MCM9: variants seen among roughly 807,000 people sequenced by gnomAD.
The protein encoded by MCM9 is DNA helicase MCM9.
Under a neutral mutation model 72.8 loss-of-function variants are expected in MCM9, and 55 were observed. That is an observed-to-expected ratio of 0.76 (90% CI 0.61 to 0.95). The LOEUF (loss-of-function observed/expected upper bound fraction) is 0.95, where lower values mean the gene tolerates loss of function less well. Among genes scored for constraint, MCM9 ranks in the 40% least tolerant of loss-of-function variants. The pLI is 0.00. For synonymous variants in MCM9, 480 were observed against 503.4 expected (o/e 0.95, Z 0.62); for missense variants, 1,279 against 1,377.0 (o/e 0.93, Z 1.13).
chr6:118,865,140 G>T (rs1777139204), intron 8 of MCM9, among the ~76,000 whole-genome samples: 1 of 152,074 alleles, frequency 6.6e-6, no homozygotes, highest in Admixed American at 6.6e-5. Context: ...CCCACTCAAC[G>T]GACTGTGTCC....
intron 8 of MCM9, among the ~76,000 whole-genome samples, chr6:118,909,606 T>C (rs908506528): frequency 2.0e-5 from 3 of 152,224 alleles, no homozygotes; most frequent in East Asian, 3.8e-4. Flanking sequence ...CAATGACTTA[T>C]GCCACTAAGA....
chr6:118,814,891 G>C lies in MCM9; in HGVS notation c.3365C>G (p.Thr1122Ser), dbSNP rs766531860. Reference protein sequence around the residue: ...KLIVSKESLFTLPELGDEAFD... With the variant: ...KLIVSKESLFSLPELGDEAFD... ...TGCTTCATCACCTAGTTCTGGTAAAGTGAAGAGGGATTCTTTGGAAACAAT... is the reference window on the plus strand; with the variant it reads ...TGCTTCATCACCTAGTTCTGGTAAACTGAAGAGGGATTCTTTGGAAACAAT... The change falls in exon 14 of 14, where the codon ACT (threonine) becomes AGT (serine). Residue 1122 changes from threonine to serine, a missense_variant. Coordinates refer to ENST00000619706, the MANE Select transcript of MCM9 (RefSeq NM_017696.3). The C allele has an allele frequency of 6.6e-5, 102 of 1,547,812 alleles. 3 individuals are homozygous for C. Among genetic ancestry groups the C allele is most frequent in the Non-Finnish European group, 7.1e-5 (81 of 1,145,870 alleles).
intron 13 of MCM9, among the ~76,000 whole-genome samples, chr6:118,820,140 T>C (rs2114510030): frequency 6.6e-6 from 1 of 152,284 alleles, no homozygotes; most frequent in Non-Finnish European, 1.5e-5. Flanking sequence ...GCTCTGATCT[T>C]AGTTATTTCT....
chr6:118,837,643 T>C (rs182693490), intron 9 of MCM9, among the ~76,000 whole-genome samples: 1 of 152,164 alleles, frequency 6.6e-6, no homozygotes, highest in Admixed American at 6.6e-5. Context: ...TGCCTTTTTT[T>C]ATCTTAGTTG....
intron 13 of MCM9, among the ~76,000 whole-genome samples, 175 bp downstream of exon 13, chr6:118,825,972 A>G (rs1774142257): frequency 6.6e-6 from 1 of 152,188 alleles, no homozygotes; most frequent in African/African-American, 2.4e-5. Context: ...GCAGTTGATT[A>G]TACAGCAGTA....
intron 6 of MCM9, among the ~76,000 whole-genome samples, chr6:118,916,432 C>CATTATTATTATTATT (rs60745084): frequency 7.0e-6 from 1 of 142,394 alleles, no homozygotes; most frequent in South Asian, 2.3e-4. Flanking sequence ...GAAATGGAAG[C>CATTATTATTATTATT]ATTATTATTA....
rs565243377 is a variant in MCM9 at position 118,851,128 on chromosome 6, T to C, written c.1325+5243A>G. Among the ~76,000 whole-genome samples, 23 of 151,960 alleles carry C rather than the reference T, an allele frequency of 1.5e-4. 3 individuals are homozygous for C. Among genetic ancestry groups the C allele is most frequent in the African/African-American group, 5.3e-4 (22 of 41,250 alleles). Reference sequence around the variant, plus strand: ...GAGCCACTGTACCCAGCCTAAATTATTGAACCATGTGAGAAATGTGAAGTC... The same window carrying C: ...GAGCCACTGTACCCAGCCTAAATTACTGAACCATGTGAGAAATGTGAAGTC... On this transcript the variant is annotated intron_variant, in intron 9 of 13. Coordinates refer to ENST00000619706, the MANE Select transcript of MCM9 (RefSeq NM_017696.3).
At chr6:118,821,218 TCAACGGTCTTTA>T (rs1773786168) in intron 13 of MCM9, among the ~76,000 whole-genome samples, 1 of 152,234 alleles carries the variant, frequency 6.6e-6, no homozygotes, top group Admixed American at 6.5e-5. Flanking sequence ...CTTCATAGCA[TCAACGGTCTTTA>T]CAATTTGGTA....
chr6:118,843,655 T>TATATATACACGTATATATATATATACAC (rs1491542240), intron 9 of MCM9, among the ~76,000 whole-genome samples: 1 of 38,616 alleles, frequency 2.6e-5, no homozygotes, highest in Non-Finnish European at 4.8e-5. Context: ...TATATATATA[T>TATATATACACGTATATATATATATACAC]GTGTATATAT....
At chr6:118,861,438 T>C (rs1776898570) in intron 8 of MCM9, among the ~76,000 whole-genome samples, 1 of 152,194 alleles carries the variant, frequency 6.6e-6, no homozygotes, top group Non-Finnish European at 1.5e-5. Flanking sequence ...AGTCCCATCA[T>C]TCAACAGGTC....
At chr6:118,879,249 A>G (rs1469003877) in intron 8 of MCM9, among the ~76,000 whole-genome samples, 5 of 5,548 alleles carry the variant, frequency 9.0e-4, no homozygotes, top group South Asian at 0.02. Flanking sequence ...ATGGAGGGGG[A>G]AAAAAAAAAA....
chr6:118,857,626 CAAAAAAAAAAAAA>C (rs1203197065), intron 8 of MCM9, among the ~76,000 whole-genome samples: 6 of 70,968 alleles, frequency 8.5e-5, no homozygotes, highest in African/African-American at 2.2e-4. Context: ...CCAGACTGAC[CAAAAAAAAAAAAA>C]AAAAAAAAAA....
At chr6:118,894,218 G>A (rs534746521) in intron 8 of MCM9, 1 of 1,412,190 alleles carries the variant, frequency 7.1e-7, no homozygotes, top group East Asian at 2.6e-5. Flanking sequence ...CTGTAGTTTA[G>A]TGAAATAGGA....
chr6:118,880,934 C>T (rs1234485882), intron 8 of MCM9, among the ~76,000 whole-genome samples: 3 of 152,070 alleles, frequency 2.0e-5, no homozygotes, highest in African/African-American at 7.2e-5. Context: ...AGTACTGAAC[C>T]CTATACACAC....
rs985196175 is a variant in MCM9 at position 118,883,549 on chromosome 6, C to T, written c.1151-27004G>A. ...ACACCCATAAATCATAGCAGAAATG[C>T]TGAAAACTGAAGATAAAGAGAAAAT... On this transcript the variant is annotated intron_variant, in intron 8 of 13. Transcript: ENST00000619706. 7.2e-5 allele frequency among the ~76,000 whole-genome samples: 11 copies of T among 152,066 alleles called. No homozygotes were observed. The East Asian group carries it at 1.9e-3, about 27-fold the overall frequency.
chr6:118,922,266 A>T (rs1323876208), intron 4 of MCM9, among the ~76,000 whole-genome samples, 180 bp from the exon 5 acceptor site: 1 of 152,240 alleles, frequency 6.6e-6, no homozygotes, highest in South Asian at 2.1e-4. Flanking sequence ...AGAATTCACT[A>T]AATAAAATAC....
intron 11 of MCM9, 91 bp from the exon 12 acceptor site, chr6:118,826,955 T>C: frequency 1.0e-6 from 1 of 968,112 alleles, no homozygotes; most frequent in South Asian, 1.5e-5. Flanking sequence ...TTGTATTTTA[T>C]GAATGAGCTA....
intron 11 of MCM9, 38 bp downstream of exon 11, chr6:118,827,889 G>A: frequency 6.5e-7 from 1 of 1,537,008 alleles, no homozygotes; most frequent in South Asian, 1.2e-5. Flanking sequence ...CACACACGCA[G>A]CATTCAATAC....
At chr6:118,883,409 A>G (rs1465373549) in intron 8 of MCM9, among the ~76,000 whole-genome samples, 3 of 151,166 alleles carry the variant, frequency 2.0e-5, no homozygotes, top group African/African-American at 7.3e-5. Flanking sequence ...TAAAAGGAGT[A>G]GAAAAAAAGT....
Sources: allele counts gnomAD v4.1 joint callset (sites outside exome capture counted in the v4.1 genomes callset), GRCh38; gene constraint gnomAD v4.1.1; transcripts MANE v1.5; gene names NCBI Gene and HGNC (gene_info 2026-07-23, HGNC 2026-07-21).